Variants in KCNQ3 observed in about 807,000 individuals in gnomAD.
KCNQ3 encodes potassium voltage-gated channel subfamily KQT member 3.
Under a neutral mutation model 92.5 loss-of-function variants are expected in KCNQ3, and 30 were observed. That is an observed-to-expected ratio of 0.32 (90% CI 0.24 to 0.44). KCNQ3 has a LOEUF of 0.44. KCNQ3 is among the 20% of genes least tolerant of loss of function. KCNQ3 has a pLI of 1.00. For missense variants in KCNQ3, 913 were observed against 1,140.3 expected, an observed-to-expected ratio of 0.80 and a Z score of 2.87; for synonymous variants, 450 against 468.8, an observed-to-expected ratio of 0.96 and a Z score of 0.52.
chr8:132,319,657 C>T (rs945572260), intron 1 of KCNQ3, among the ~76,000 whole-genome samples: 5 of 152,178 alleles, frequency 3.3e-5, no homozygotes, highest in African/African-American at 9.7e-5. Flanking sequence ...GCCGCACTGC[C>T]AGATGATGTG....
At chr8:132,270,818 A>G (rs1330195987) in intron 1 of KCNQ3, among the ~76,000 whole-genome samples, 1 of 152,250 alleles carries the variant, frequency 6.6e-6, no homozygotes, top group Non-Finnish European at 1.5e-5. Context: ...GTAAAAATTT[A>G]AAAGAAAGTT....
chr8:132,136,824 T>C (rs1341005220), intron 12 of KCNQ3, among the ~76,000 whole-genome samples: 1 of 152,054 alleles, frequency 6.6e-6, no homozygotes, highest in Non-Finnish European at 1.5e-5. Flanking sequence ...AAAATCTCAT[T>C]ATATACTTTT....
At chr8:132,257,554 TC>T (rs1275432280) in intron 1 of KCNQ3, among the ~76,000 whole-genome samples, 2 of 151,696 alleles carry the variant, frequency 1.3e-5, no homozygotes, top group Admixed American at 6.6e-5. Flanking sequence ...GACCATCCTG[TC>T]CAACATGGTG....
At chr8:132,324,984 AGTTT>A (rs1249336620) in intron 1 of KCNQ3, among the ~76,000 whole-genome samples, 1 of 150,614 alleles carries the variant, frequency 6.6e-6, no homozygotes, top group African/African-American at 2.4e-5. Flanking sequence ...TGTCCTAGTT[AGTTT>A]TTTTTTTTTT....
chr8:132,325,550 G>A (rs890048914), intron 1 of KCNQ3, among the ~76,000 whole-genome samples: 8 of 152,150 alleles, frequency 5.3e-5, no homozygotes, highest in Non-Finnish European at 1.2e-4. Flanking sequence ...CAATATGACT[G>A]GTGGTCTTAT....
At chr8:132,226,188 G>A (rs146679586) in intron 1 of KCNQ3, among the ~76,000 whole-genome samples, 1,655 of 151,820 alleles carry the variant, frequency 0.011, 24 homozygotes, top group African/African-American at 0.023. Flanking sequence ...GCAGAATGGC[G>A]TGAACCTGGG....
chr8:132,227,060 CTTT>C (rs923601765), intron 1 of KCNQ3, among the ~76,000 whole-genome samples: 9 of 82,518 alleles, frequency 1.1e-4, no homozygotes, highest in Admixed American at 3.5e-4. Context: ...ATATCTCACT[CTTT>C]TTTTTTTTTT....
At chr8:132,334,921 T>A (rs539636657) in intron 1 of KCNQ3, among the ~76,000 whole-genome samples, 3 of 152,338 alleles carry the variant, frequency 2.0e-5, no homozygotes, top group South Asian at 2.1e-4. Context: ...CCATTTATTT[T>A]ATTCCCCCTC....
At chr8:132,434,404 A>G (rs1232956221) in intron 1 of KCNQ3, among the ~76,000 whole-genome samples, 1 of 152,144 alleles carries the variant, frequency 6.6e-6, no homozygotes, top group Non-Finnish European at 1.5e-5. Context: ...CCTAACTAGA[A>G]TGTACAATCT....
At chr8:132,178,929 G>C (rs1005307352) in intron 4 of KCNQ3, among the ~76,000 whole-genome samples, 2 of 148,940 alleles carry the variant, frequency 1.3e-5, no homozygotes, top group Non-Finnish European at 3.0e-5. Flanking sequence ...TTGAGGAAAT[G>C]GTCATAGGGT....
chr8:132,293,088 G>A (rs979991091), intron 1 of KCNQ3, among the ~76,000 whole-genome samples: 4 of 152,198 alleles, frequency 2.6e-5, no homozygotes, highest in Non-Finnish European at 4.4e-5. Context: ...GGAGGGTGGC[G>A]GTGCATCCAG....
chr8:132,235,483 AGAGT>A (rs751347804), intron 1 of KCNQ3, among the ~76,000 whole-genome samples: 1 of 152,214 alleles, frequency 6.6e-6, no homozygotes, highest in Non-Finnish European at 1.5e-5. Flanking sequence ...CCTGGGCGAC[AGAGT>A]GAGACGCCAT....
intron 1 of KCNQ3, among the ~76,000 whole-genome samples, chr8:132,286,269 T>A (rs903521517): frequency 6.6e-6 from 1 of 152,178 alleles, no homozygotes; most frequent in African/African-American, 2.4e-5. Context: ...CCACGTGGAC[T>A]GCACCCAGCA....
chr8:132,374,705 G>A (rs567059034), intron 1 of KCNQ3, among the ~76,000 whole-genome samples: 11 of 152,086 alleles, frequency 7.2e-5, no homozygotes, highest in East Asian at 3.9e-4. Flanking sequence ...AGGCCCCAGC[G>A]TCTGTTATTC....
rs1317721759 is a variant in KCNQ3 at position 132,302,023 on chromosome 8, T to C, written c.387-115842A>G. 5.3e-5 allele frequency among the ~76,000 whole-genome samples: 8 copies of C among 152,084 alleles called. No homozygotes were observed. The East Asian group carries it at 1.5e-3, about 29-fold the overall frequency. The stretch of plus-strand genomic sequence containing the variant: ...GATATTGGGAAGCTTCTAAAGGAAG[T>C]GGCACTCGAGTGGGGCTGGAAGACC... On this transcript the variant is annotated intron_variant, in intron 1 of 14. Coordinates refer to ENST00000388996, the MANE Select transcript of KCNQ3 (RefSeq NM_004519.4).
At chr8:132,160,213 G>A (rs555285518) in intron 9 of KCNQ3, among the ~76,000 whole-genome samples, 9 of 152,256 alleles carry the variant, frequency 5.9e-5, no homozygotes, top group Admixed American at 3.9e-4. Flanking sequence ...GAGATCATGC[G>A]TCCATTGTAT....
intron 1 of KCNQ3, among the ~76,000 whole-genome samples, chr8:132,300,524 G>T (rs1355846078): frequency 6.6e-6 from 1 of 152,188 alleles, no homozygotes; most frequent in Non-Finnish European, 1.5e-5. Context: ...ACCTTTCAGG[G>T]TTTTGAGATG....
At chr8:132,147,671 G>A (rs1222446924) in intron 9 of KCNQ3, among the ~76,000 whole-genome samples, 1 of 151,544 alleles carries the variant, frequency 6.6e-6, no homozygotes, top group Non-Finnish European at 1.5e-5. Context: ...ATGATAGATG[G>A]ATGGATAATG....
At chr8:132,171,804 A>G (rs1004584778) in intron 7 of KCNQ3, among the ~76,000 whole-genome samples, 7 of 152,110 alleles carry the variant, frequency 4.6e-5, no homozygotes, top group Non-Finnish European at 8.8e-5. Context: ...TAGAAGGAGA[A>G]GAAAGCCTAG....
Sources: gnomAD v4.1 joint callset for allele counts (sites outside exome capture counted in the v4.1 genomes callset) on GRCh38, gnomAD v4.1.1 for gene constraint, MANE v1.5 for transcripts, NCBI Gene and HGNC (gene_info 2026-07-23, HGNC 2026-07-21) for gene names.